Variants in ATXN10 observed in about 807,000 individuals in gnomAD.
ATXN10 encodes the protein ataxin-10.
In ATXN10, 28 loss-of-function variants were observed where a neutral mutation model predicts 52.9. The ratio of observed to expected loss-of-function variants is 0.53; its 90% CI spans 0.39 to 0.73. The LOEUF is 0.73. ATXN10 is among the 30% of genes least tolerant of loss of function. The pLI is 0.00. For missense variants in ATXN10, 565 were observed against 577.0 expected (o/e 0.98, Z 0.21); for synonymous variants, 226 against 221.5 (o/e 1.02, Z -0.18).
intron 10 of ATXN10, among the ~76,000 whole-genome samples, chr22:45,811,111 T>A (rs1928265730): frequency 6.6e-6 from 1 of 152,220 alleles, no homozygotes; most frequent in African/African-American, 2.4e-5. Flanking sequence ...TATTTTAAAA[T>A]GTCAACCTTT....
intron 1 of ATXN10, among the ~76,000 whole-genome samples, chr22:45,687,558 A>C (rs1272899929): frequency 1.3e-5 from 2 of 152,250 alleles, no homozygotes; most frequent in East Asian, 3.8e-4. Context: ...CAAGTTGCAG[A>C]GCTCTACTTT....
intron 5 of ATXN10, among the ~76,000 whole-genome samples, chr22:45,703,081 G>T (rs1461684541): frequency 6.6e-6 from 1 of 152,190 alleles, no homozygotes; most frequent in Non-Finnish European, 1.5e-5. Context: ...CTTTAAGGTG[G>T]TGAGGAGCGG....
rs763903931 is a variant in ATXN10 at position 45,729,596 on chromosome 22, G to A, written c.894+6G>A. ...AGGAGCCTCCTGATGATGAGGTAAG[G>A]GAGGCAGATTTCCCAATCTCGGGTA... On this transcript the variant is annotated splice_donor_region_variant and intron_variant, in intron 7 of 11. Coordinates refer to ENST00000252934, the MANE Select transcript of ATXN10 (RefSeq NM_013236.4). 2 of 1,613,888 alleles carry A rather than the reference G, an allele frequency of 1.2e-6. No homozygotes were observed. The highest frequency in any genetic ancestry group is 1.1e-5 in the South Asian group (1 of 91,082).
intron 9 of ATXN10, among the ~76,000 whole-genome samples, chr22:45,760,102 C>T (rs1254832210): frequency 6.6e-6 from 1 of 152,204 alleles, no homozygotes; most frequent in Non-Finnish European, 1.5e-5. Context: ...GGAACATCCT[C>T]CTTCGTTTGC....
rs1459927795 is a variant in ATXN10 at position 45,769,518 on chromosome 22, G to T, written c.1173+28980G>T. Among the ~76,000 whole-genome samples the T allele has an allele frequency of 1.3e-5, 2 of 152,038 alleles. No individual in the cohort carries two copies. Among genetic ancestry groups the T allele is most frequent in the African/African-American group, 2.4e-5 (1 of 41,388 alleles). ...TGGAGTTGGGCCTTGAGGAATGGTGGGTAGCAGTTATGTGGCGATGAAGAG... is the reference window on the plus strand; with the variant it reads ...TGGAGTTGGGCCTTGAGGAATGGTGTGTAGCAGTTATGTGGCGATGAAGAG... On this transcript the variant is annotated intron_variant, in intron 9 of 11. Coordinates refer to ENST00000252934, the MANE Select transcript of ATXN10 (RefSeq NM_013236.4). This position sits in a 1 kb window ranked among gnomAD's most constrained non-coding sequence, Gnocchi z 4.2.
chr22:45,758,181 G>A (rs1278076449), intron 9 of ATXN10, among the ~76,000 whole-genome samples: 6 of 152,186 alleles, frequency 3.9e-5, no homozygotes, highest in African/African-American at 1.4e-4. Context: ...GCTCAGAGTC[G>A]TCCACACTGC....
chr22:45,693,644 A>G (rs1923472620), intron 3 of ATXN10, among the ~76,000 whole-genome samples: 1 of 152,210 alleles, frequency 6.6e-6, no homozygotes, highest in African/African-American at 2.4e-5. Flanking sequence ...GGGCACAGAT[A>G]TTCAGATCAT....
At chr22:45,794,219 G>A (rs886633057) in intron 9 of ATXN10, among the ~76,000 whole-genome samples, 19 of 152,126 alleles carry the variant, frequency 1.2e-4, no homozygotes, top group African/African-American at 4.1e-4. Flanking sequence ...TCAGGTGTCT[G>A]AGCCCTGCCT....
At chr22:45,811,110 A>C (rs1661528613) in intron 10 of ATXN10, among the ~76,000 whole-genome samples, 2 of 152,184 alleles carry the variant, frequency 1.3e-5, no homozygotes, top group Admixed American at 1.3e-4. Context: ...GTATTTTAAA[A>C]TGTCAACCTT....
At chr22:45,695,685 T>C (rs1324566271) in intron 3 of ATXN10, among the ~76,000 whole-genome samples, 1 of 151,876 alleles carries the variant, frequency 6.6e-6, no homozygotes, top group Non-Finnish European at 1.5e-5. Flanking sequence ...TTATTAGAGA[T>C]GGGGTTTCAC....
rs535347209 is a variant in ATXN10, at chr22:45,691,361, C to T, written c.308+1458C>T. Among the ~76,000 whole-genome samples the T allele has an allele frequency of 2.6e-5, 4 of 152,282 alleles. No homozygotes were observed. In the East Asian group the frequency reaches 7.7e-4, roughly 29 times the overall value. On this transcript the variant is annotated intron_variant, in intron 2 of 11. Transcript: ENST00000252934. ...AGTGAGCATTCGTTGAGCCTGCCTTCGGCATTGGGCTTTGTCCCAAGGGTT... is the reference window on the plus strand; with the variant it reads ...AGTGAGCATTCGTTGAGCCTGCCTTTGGCATTGGGCTTTGTCCCAAGGGTT...
At chr22:45,765,573 T>A (rs1413967775) in intron 9 of ATXN10, among the ~76,000 whole-genome samples, 1 of 152,180 alleles carries the variant, frequency 6.6e-6, no homozygotes, top group Non-Finnish European at 1.5e-5. Context: ...ATTACCTAAG[T>A]TCCCCCTTAT....
At position 45,763,760 on chromosome 22, in the gene ATXN10, A is replaced by G. The variant is rs1926481953; in HGVS notation, c.1173+23222A>G. 6.6e-6 allele frequency among the ~76,000 whole-genome samples: 1 copy of G among 152,236 alleles called. No homozygotes were observed. The highest frequency in any genetic ancestry group is 1.5e-5 in the Non-Finnish European group (1 of 68,046). On this transcript the variant is annotated intron_variant, in intron 9 of 11. Transcript: ENST00000252934. This position sits in a 1 kb window ranked among gnomAD's most constrained non-coding sequence, Gnocchi z 6.9. ...CTCTTCGCAACCCTAGAATGTAAGTACAAGGAGGATAGGCAGGGACCATTT... is the reference window on the plus strand; with the variant it reads ...CTCTTCGCAACCCTAGAATGTAAGTGCAAGGAGGATAGGCAGGGACCATTT...
intron 10 of ATXN10, among the ~76,000 whole-genome samples, chr22:45,830,941 GC>G (rs1293159477): frequency 2.6e-5 from 4 of 152,174 alleles, no homozygotes; most frequent in Non-Finnish European, 4.4e-5. Flanking sequence ...ATGTGCAGTA[GC>G]CAAAAGGTAG....
intron 9 of ATXN10, among the ~76,000 whole-genome samples, chr22:45,779,068 T>G (rs935845923): frequency 1.1e-4 from 16 of 152,136 alleles, no homozygotes; most frequent in Admixed American, 9.8e-4. Flanking sequence ...TTTCAGCTCT[T>G]GAGTATGAGA....
Position 45,689,748 on chromosome 22 carries a change from G to C in ATXN10, c.153G>C (p.Leu51=), listed in dbSNP as rs1425942160. The C allele has an allele frequency of 1.9e-6, 3 of 1,614,052 alleles. No individual in the cohort carries two copies. The highest frequency in any genetic ancestry group is 2.5e-6 in the Non-Finnish European group (3 of 1,180,000). The part of the protein sequence containing the change: ...TAPRTIFQRV[L]DILKKSSHAV... ...CCAGGACTATCTTCCAAAGAGTTCT[G>C]GATATCCTAAAGAAATCTTCTCATG... Residue 51 remains leucine, a synonymous_variant, in exon 2 of 12, where the codon CTG becomes CTC. Transcript: ENST00000252934.
rs755334816 is a variant in ATXN10 at position 45,807,126 on chromosome 22, T to A, written c.1237+104T>A. 7 of 920,406 alleles carry A rather than the reference T, an allele frequency of 7.6e-6. No homozygotes were observed. The East Asian group carries it at 9.7e-5, about 13-fold the overall frequency. The allele number at this position is 920,406 out of a possible 1,614,324, so 57.0% of individuals were successfully genotyped here. ...TTCAGTATGTAGCTGGCTGCCTTGCTTGCTTGTTTACTTGTTCCTGAGAAC... is the reference window on the plus strand; with the variant it reads ...TTCAGTATGTAGCTGGCTGCCTTGCATGCTTGTTTACTTGTTCCTGAGAAC... On this transcript the variant is annotated intron_variant, in intron 10 of 11. Transcript: ENST00000252934.
rs1036912404 is a variant in ATXN10, at chr22:45,681,975, C to T, written c.117-7737C>T. 4.6e-5 allele frequency among the ~76,000 whole-genome samples: 7 copies of T among 152,162 alleles called. No homozygotes were observed. The highest frequency in any genetic ancestry group is 1.2e-4 in the African/African-American group (5 of 41,434). On this transcript the variant is annotated intron_variant, in intron 1 of 11. Coordinates refer to ENST00000252934, the MANE Select transcript of ATXN10 (RefSeq NM_013236.4). The surrounding 1 kb of genome is among the most constrained non-coding windows in gnomAD (Gnocchi z 4.2). ...CCTTTGCTTCTGGTCTGTGGATTAG[C>T]GATCTTGCTCTGAATATGAGCTCCC...
At chr22:45,838,217 A>G (rs1929229538) in intron 10 of ATXN10, among the ~76,000 whole-genome samples, 1 of 152,110 alleles carries the variant, frequency 6.6e-6, no homozygotes, top group Non-Finnish European at 1.5e-5. Flanking sequence ...CCCTGCTAAT[A>G]TCTTATCACC....
Sources: gnomAD v4.1 joint callset for allele counts (sites outside exome capture counted in the v4.1 genomes callset) on GRCh38, gnomAD v4.1.1 for gene constraint, Gnocchi (gnomAD v3.1) non-coding constraint, MANE v1.5 for transcripts, NCBI Gene and HGNC (gene_info 2026-07-23, HGNC 2026-07-21) for gene names.